The following STX18 variants were observed in gnomAD, a reference collection of about 807,000 sequenced individuals.
STX18 encodes the protein syntaxin 18, also known as syntaxin-18.
In STX18, 40 loss-of-function variants were observed where a neutral mutation model predicts 50.1. That is an observed-to-expected ratio of 0.80 (90% CI 0.62 to 1.04). The LOEUF is 1.04. Ranked by LOEUF, STX18 falls within the 50% of genes least tolerant of loss-of-function variation. The pLI, the probability that STX18 is intolerant of heterozygous loss-of-function variation, is 0.00. For missense variants in STX18, 410 were observed against 415.8 expected (o/e 0.99, Z 0.12); for synonymous variants, 158 against 151.8 (o/e 1.04, Z -0.30).
intron 5 of STX18, among the ~76,000 whole-genome samples, chr4:4,443,421 G>A (rs546471086): frequency 7.9e-5 from 12 of 152,282 alleles, no homozygotes; most frequent in African/African-American, 2.4e-4. Flanking sequence ...TGATAAACAC[G>A]TACAAAATCT....
At chr4:4,531,986 T>C (rs1222000574) in intron 1 of STX18, among the ~76,000 whole-genome samples, 2 of 152,150 alleles carry the variant, frequency 1.3e-5, no homozygotes, top group Non-Finnish European at 1.5e-5. Context: ...TCAACAGGGG[T>C]TCAGATAAAT....
At position 4,464,309 on chromosome 4, in the gene STX18, C is replaced by T. The variant is rs552729466; in HGVS notation, c.237-4822G>A. 1.5e-3 allele frequency among the ~76,000 whole-genome samples: 235 copies of T among 152,312 alleles called. 5 individuals are homozygous for T. Among genetic ancestry groups the T allele is most frequent in the South Asian group, 1.2e-3 (6 of 4,824 alleles). On this transcript the variant is annotated intron_variant, in intron 2 of 10. Transcript: ENST00000306200. ...TGTCTATGGAGAGCTGGAGTCTATTCCAGAAAGCGTTTTAGAAGTGTTGCT... is the reference window on the plus strand; with the variant it reads ...TGTCTATGGAGAGCTGGAGTCTATTTCAGAAAGCGTTTTAGAAGTGTTGCT...
intron 1 of STX18, among the ~76,000 whole-genome samples, chr4:4,497,522 A>C (rs1216262811): frequency 1.3e-5 from 2 of 152,200 alleles, no homozygotes; most frequent in Admixed American, 6.5e-5. Context: ...TGTCCTACAA[A>C]CATTAACTCA....
At chr4:4,503,357 C>G (rs925912797) in intron 1 of STX18, among the ~76,000 whole-genome samples, 1 of 152,164 alleles carries the variant, frequency 6.6e-6, no homozygotes, top group South Asian at 2.1e-4. Flanking sequence ...TATGCATCAC[C>G]TTGAGAGGCT....
At chr4:4,448,455 C>T (rs1726551527) in intron 5 of STX18, among the ~76,000 whole-genome samples, 1 of 152,004 alleles carries the variant, frequency 6.6e-6, no homozygotes, top group Admixed American at 6.6e-5. Flanking sequence ...GATTCTTGTG[C>T]CTCAGCCTCC....
intron 1 of STX18, among the ~76,000 whole-genome samples, chr4:4,504,642 T>C (rs1729612150): frequency 2.0e-5 from 3 of 152,070 alleles, no homozygotes; most frequent in Non-Finnish European, 4.4e-5. Flanking sequence ...AAAAACTAAA[T>C]TAAAAATAGG....
intron 5 of STX18, among the ~76,000 whole-genome samples, chr4:4,441,815 C>G (rs1726121805): frequency 6.6e-6 from 1 of 152,116 alleles, no homozygotes; most frequent in African/African-American, 2.4e-5. Flanking sequence ...ATATTGAACT[C>G]TAGTTAATGA....
chr4:4,484,628 C>G (rs547526294), intron 1 of STX18, among the ~76,000 whole-genome samples: 2 of 152,166 alleles, frequency 1.3e-5, no homozygotes, highest in South Asian at 2.1e-4. Flanking sequence ...CAACTAGTCA[C>G]GAACACCCTA....
chr4:4,458,319 G>C (rs1219519889), intron 3 of STX18, among the ~76,000 whole-genome samples: 1 of 152,134 alleles, frequency 6.6e-6, no homozygotes, highest in Non-Finnish European at 1.5e-5. Flanking sequence ...ATGCCCTTAA[G>C]GGTAGAGGGC....
At chr4:4,500,713 A>G (rs1006198898) in intron 1 of STX18, among the ~76,000 whole-genome samples, 2 of 152,202 alleles carry the variant, frequency 1.3e-5, no homozygotes, top group Non-Finnish European at 2.9e-5. Context: ...ATTACCTTCA[A>G]TGGCTACATA....
At chr4:4,422,371 A>C (rs1363093355) in intron 9 of STX18, among the ~76,000 whole-genome samples, 1 of 152,128 alleles carries the variant, frequency 6.6e-6, no homozygotes, top group Non-Finnish European at 1.5e-5. Flanking sequence ...GTTCGGGACC[A>C]GCCTGGCCAA....
chr4:4,534,984 C>T (rs886237480), intron 1 of STX18, among the ~76,000 whole-genome samples: 2 of 152,252 alleles, frequency 1.3e-5, no homozygotes, highest in East Asian at 1.9e-4. Flanking sequence ...GACCCTCACC[C>T]GGGCCTCCTC....
At position 4,459,062 on chromosome 4, in the gene STX18, G is replaced by GCGCACACACACA. The variant is rs71638564; in HGVS notation, c.352+309_352+310insTGTGTGTGTGCG. On this transcript the variant is annotated intron_variant, in intron 3 of 10. Transcript: ENST00000306200. ...TTTGCCACACAGAACACACACACACGCACACACACACACACACACACACAC... is the reference window on the plus strand; with the variant it reads ...TTTGCCACACAGAACACACACACACGCGCACACACACACACACACACACACACACACACACAC... 1.9e-3 allele frequency among the ~76,000 whole-genome samples: 271 copies of GCGCACACACACA among 144,388 alleles called. 1 individual carries two copies. Among genetic ancestry groups the GCGCACACACACA allele is most frequent in the African/African-American group, 6.0e-3 (235 of 39,390 alleles). 94.7% of individuals were successfully genotyped at this position (144,388 alleles called of 152,430 possible). A position where few individuals can be genotyped will look rare whatever the true frequency, so the allele number is the denominator to read the frequency against.
chr4:4,535,224 G>C (rs1731275652), intron 1 of STX18, among the ~76,000 whole-genome samples: 1 of 152,164 alleles, frequency 6.6e-6, no homozygotes, highest in Non-Finnish European at 1.5e-5. Context: ...ATGCCTCATA[G>C]TTTTTTTATG....
At position 4,504,682 on chromosome 4, in the gene STX18, G is replaced by A. The variant is rs11734458; in HGVS notation, c.169-32976C>T. Among the ~76,000 whole-genome samples the A allele has an allele frequency of 3.3e-5, 5 of 152,246 alleles. No individual in the cohort carries two copies. The East Asian group carries it at 7.7e-4, about 23-fold the overall frequency. ...AGACTTGAACAGACACTTCACTAAA[G>A]AAGGCAAGGGGGGCACATGAAAGAT... On this transcript the variant is annotated intron_variant, in intron 1 of 10. Coordinates refer to ENST00000306200, the MANE Select transcript of STX18 (RefSeq NM_016930.4).
rs1381932648 is a variant in STX18 at position 4,426,034 on chromosome 4, G to A, written c.703-812C>T. The A allele has an allele frequency of 3.3e-5, 5 of 152,184 alleles. No homozygotes were observed. The East Asian group carries it at 9.6e-4, about 29-fold the overall frequency. 9.4% of individuals were successfully genotyped at this position (152,184 alleles called of 1,614,324 possible). ...TCCCGCAATGTGCAGGGAGTCAGGG[G>A]CGTCCTGCATTTCCTCCCCGATGCA... On this transcript the variant is annotated intron_variant, in intron 7 of 10. Coordinates refer to ENST00000306200, the MANE Select transcript of STX18 (RefSeq NM_016930.4).
At chr4:4,486,756 C>T (rs1419433232) in intron 1 of STX18, among the ~76,000 whole-genome samples, 1 of 152,192 alleles carries the variant, frequency 6.6e-6, no homozygotes, top group African/African-American at 2.4e-5. Context: ...GAGGAAAAAA[C>T]ATTTTACTCA....
chr4:4,484,013 C>T (rs560881018), intron 1 of STX18, among the ~76,000 whole-genome samples: 1 of 152,056 alleles, frequency 6.6e-6, no homozygotes, highest in Non-Finnish European at 1.5e-5. Context: ...AGGTGCGTGC[C>T]ACCATGCCCA....
intron 1 of STX18, among the ~76,000 whole-genome samples, chr4:4,474,110 G>C (rs1339319192): frequency 1.3e-5 from 2 of 151,990 alleles, no homozygotes; most frequent in African/African-American, 4.8e-5. Flanking sequence ...TTCTCTCCCA[G>C]GCAAATTCTT....
Sources: gnomAD v4.1 joint callset for allele counts (sites outside exome capture counted in the v4.1 genomes callset) on GRCh38, gnomAD v4.1.1 for gene constraint, MANE v1.5 for transcripts, NCBI Gene and HGNC (gene_info 2026-07-23, HGNC 2026-07-21) for gene names.